The following TRPC6 variants were observed in gnomAD, a reference collection of about 807,000 sequenced individuals.
The protein encoded by TRPC6 is short transient receptor potential channel 6.
TRPC6 carries 55 observed loss-of-function variants against 90.7 expected under a neutral mutation model. The observed-to-expected ratio is 0.61, with a 90% CI of 0.49 to 0.76. TRPC6 has a LOEUF of 0.76. Among genes scored for constraint, TRPC6 ranks in the 30% least tolerant of loss-of-function variants. TRPC6 has a pLI of 0.00. For synonymous variants in TRPC6, 393 were observed against 393.0 expected (o/e 1.00, Z 0.00); for missense variants, 989 against 1,122.7 (o/e 0.88, Z 1.70).
At chr11:101,480,103 G>GGGAGGT (rs1189107039) in intron 5 of TRPC6, among the ~76,000 whole-genome samples, 1 of 152,074 alleles carries the variant, frequency 6.6e-6, no homozygotes, top group Non-Finnish European at 1.5e-5. Flanking sequence ...GCTTGAACCC[G>GGGAGGT]GGAGGTGGAG....
chr11:101,549,558 T>G (rs1387633516), intron 1 of TRPC6, among the ~76,000 whole-genome samples: 1 of 151,192 alleles, frequency 6.6e-6, no homozygotes, highest in Non-Finnish European at 1.5e-5. Context: ...TATGATAAAA[T>G]CATTTCAATA....
In TRPC6 at chr11:101,557,692, A is replaced by G. The variant is rs546833986; in HGVS notation, c.170+25642T>C. Among the ~76,000 whole-genome samples, 94 of 152,284 alleles carry G rather than the reference A, an allele frequency of 6.2e-4. 1 individual carries two copies. The highest frequency in any genetic ancestry group is 2.1e-3 in the African/African-American group (86 of 41,566). Reference sequence around the variant, plus strand: ...TTGCAGGATACAAAATCAACACAGAAAAATCAGTAACATTTCTATACACTA... The same window carrying G: ...TTGCAGGATACAAAATCAACACAGAGAAATCAGTAACATTTCTATACACTA... On this transcript the variant is annotated intron_variant, in intron 1 of 12. Coordinates refer to ENST00000344327, the MANE Select transcript of TRPC6 (RefSeq NM_004621.6).
chr11:101,483,109 G>A lies in TRPC6; in HGVS notation c.1350C>T (p.Phe450=), dbSNP rs1298243180. ...TGACTAGCAGTCCCAGAAAAATGGT[G>A]AAGGAGGCTGCGTGTGCTACAAACT... The part of the protein sequence containing the change: ...FMKFVAHAAS[F]TIFLGLLVMN... The change falls in exon 5 of 13, where the codon TTC becomes TTT. Residue 450 remains phenylalanine (F), a synonymous_variant. Coordinates refer to ENST00000344327, the MANE Select transcript of TRPC6 (RefSeq NM_004621.6). 4 of 1,614,036 alleles carry A rather than the reference G, an allele frequency of 2.5e-6. No individual in the cohort carries two copies. In the Admixed American group the frequency reaches 5.0e-5, roughly 20 times the overall value.
At chr11:101,463,936 G>A (rs191077021) in intron 10 of TRPC6, among the ~76,000 whole-genome samples, 118 of 152,106 alleles carry the variant, frequency 7.8e-4, no homozygotes, top group African/African-American at 2.7e-3. Flanking sequence ...TTCTCTTGTG[G>A]GCATTTAGTG....
At chr11:101,549,187 T>A (rs915101886) in intron 1 of TRPC6, among the ~76,000 whole-genome samples, 1 of 151,960 alleles carries the variant, frequency 6.6e-6, no homozygotes, top group Non-Finnish European at 1.5e-5. Context: ...GCAAGTGAAG[T>A]ACAAAATCAA....
chr11:101,483,967 C>CT (rs1227809055), intron 4 of TRPC6, among the ~76,000 whole-genome samples: 1 of 152,122 alleles, frequency 6.6e-6, no homozygotes, highest in Non-Finnish European at 1.5e-5. Context: ...TAGGATATGA[C>CT]TAAGGGGTCT....
intron 1 of TRPC6, among the ~76,000 whole-genome samples, chr11:101,510,860 T>C (rs1860379683): frequency 6.6e-6 from 1 of 152,172 alleles, no homozygotes; most frequent in South Asian, 2.1e-4. Flanking sequence ...TGATACACTT[T>C]TATAACATGG....
At chr11:101,576,418 T>C (rs142459843) in intron 1 of TRPC6, among the ~76,000 whole-genome samples, 26 of 152,322 alleles carry the variant, frequency 1.7e-4, no homozygotes, top group African/African-American at 5.5e-4. Flanking sequence ...TCATATAGGT[T>C]GTTTGAGTAT....
chr11:101,469,987 C>G (rs1192879809), intron 9 of TRPC6, among the ~76,000 whole-genome samples: 1 of 152,038 alleles, frequency 6.6e-6, no homozygotes, highest in Non-Finnish European at 1.5e-5. Context: ...CTTGAGCACC[C>G]TAAATAGTAA....
chr11:101,465,416 TG>T (rs1282874996), intron 10 of TRPC6, among the ~76,000 whole-genome samples: 2 of 152,208 alleles, frequency 1.3e-5, no homozygotes, highest in African/African-American at 2.4e-5. Context: ...CGTCACCTTC[TG>T]GTACACTAAT....
intron 1 of TRPC6, 74 bp downstream of exon 1, chr11:101,583,260 C>T (rs1001104519): frequency 1.5e-5 from 23 of 1,511,530 alleles, no homozygotes; most frequent in Non-Finnish European, 1.9e-5. Context: ...CGGACGGACT[C>T]GGCCACTCCT....
chr11:101,473,460 A>ATTTAT (rs1443454118), intron 7 of TRPC6, 49 bp downstream of exon 7: 2 of 1,599,368 alleles, frequency 1.3e-6, no homozygotes, highest in South Asian at 2.2e-5. Flanking sequence ...TTAAACTAAT[A>ATTTAT]TTTATTTAAT....
chr11:101,559,671 A>C (rs918915228), intron 1 of TRPC6, among the ~76,000 whole-genome samples: 1 of 151,364 alleles, frequency 6.6e-6, no homozygotes, highest in Non-Finnish European at 1.5e-5. Flanking sequence ...TTTAGGGTAC[A>C]TGTGCACAAC....
intron 1 of TRPC6, among the ~76,000 whole-genome samples, chr11:101,546,577 C>A (rs1159424035): frequency 6.6e-6 from 1 of 152,134 alleles, no homozygotes; most frequent in African/African-American, 2.4e-5. Flanking sequence ...AGCTACTTAG[C>A]CTTTCTGAGC....
chr11:101,532,962 C>G (rs574637645), intron 1 of TRPC6, among the ~76,000 whole-genome samples: 152 of 152,246 alleles, frequency 1.0e-3, no homozygotes, highest in African/African-American at 3.6e-3. Flanking sequence ...AGAAAAAAAG[C>G]ATCGCAGAAC....
chr11:101,525,171 T>A (rs985580790), intron 1 of TRPC6, among the ~76,000 whole-genome samples: 4 of 152,240 alleles, frequency 2.6e-5, no homozygotes, highest in African/African-American at 9.6e-5. Flanking sequence ...CATGTAATGG[T>A]CATTAGCATA....
intron 1 of TRPC6, among the ~76,000 whole-genome samples, chr11:101,546,898 CTA>C (rs1447557006): frequency 2.0e-5 from 3 of 151,880 alleles, no homozygotes; most frequent in African/African-American, 7.3e-5. Context: ...ACTAGAGAGA[CTA>C]AAATTTTATG....
chr11:101,553,309 A>G (rs1177057142), intron 1 of TRPC6, among the ~76,000 whole-genome samples: 1 of 151,370 alleles, frequency 6.6e-6, no homozygotes, highest in Non-Finnish European at 1.5e-5. Context: ...CTACTCTGAT[A>G]CCAGCCTTAT....
At chr11:101,463,666 A>AT (rs1187974589) in intron 10 of TRPC6, among the ~76,000 whole-genome samples, 2 of 152,094 alleles carry the variant, frequency 1.3e-5, no homozygotes, top group Non-Finnish European at 2.9e-5. Flanking sequence ...CCCCTATATC[A>AT]TTTTTTATTG....
Sources: allele counts gnomAD v4.1 joint callset (sites outside exome capture counted in the v4.1 genomes callset), GRCh38; gene constraint gnomAD v4.1.1; transcripts MANE v1.5; gene names NCBI Gene and HGNC (gene_info 2026-07-23, HGNC 2026-07-21).